Variants in LRRC7 observed in about 807,000 individuals in gnomAD.
LRRC7 encodes leucine-rich repeat-containing protein 7.
LRRC7 carries 23 observed loss-of-function variants against 175.7 expected under a neutral mutation model. The ratio of observed to expected loss-of-function variants is 0.13; its 90% CI spans 0.09 to 0.19. The LOEUF (loss-of-function observed/expected upper bound fraction) is 0.19. Among genes scored for constraint, LRRC7 ranks in the 10% least tolerant of loss-of-function variants. The pLI, the probability that LRRC7 is intolerant of heterozygous loss-of-function variation, is 1.00. For missense variants in LRRC7, 1,354 were observed against 1,904.7 expected, an observed-to-expected ratio of 0.71 and a Z score of 5.38; for synonymous variants, 685 against 680.9, an observed-to-expected ratio of 1.01 and a Z score of -0.09.
chr1:69,727,544 G>A (rs1393570039), intron 2 of LRRC7, among the ~76,000 whole-genome samples: 2 of 151,978 alleles, frequency 1.3e-5, no homozygotes, highest in East Asian at 3.9e-4. Flanking sequence ...GACAATACAA[G>A]TCTAAGTGGA....
chr1:69,851,646 G>A (rs1435974880), intron 7 of LRRC7, among the ~76,000 whole-genome samples: 6 of 152,086 alleles, frequency 3.9e-5, no homozygotes, highest in African/African-American at 7.2e-5. Flanking sequence ...CATAACCTGA[G>A]CACAAGTAGA....
chr1:69,976,297 T>C (rs1440040982), intron 8 of LRRC7, among the ~76,000 whole-genome samples: 1 of 152,184 alleles, frequency 6.6e-6, no homozygotes, highest in African/African-American at 2.4e-5. Flanking sequence ...TGGAGTCCGA[T>C]GTTTGAGGGA....
intron 1 of LRRC7, among the ~76,000 whole-genome samples, chr1:69,587,979 C>G (rs79234935): frequency 0.086 from 13,028 of 152,178 alleles, 988 homozygotes; most frequent in African/African-American, 0.2. Flanking sequence ...GATATTCTGG[C>G]CACACTGAGC....
At position 70,135,760 on chromosome 1, in the gene LRRC7, T is replaced by G. The variant is rs1031346564; in HGVS notation, c.*13873T>G. The stretch of plus-strand genomic sequence containing the variant: ...TAGGATATCATCATCCAAACTATTC[T>G]TGCCCTGTAATATTTGTCTATACTG... On this transcript the variant is annotated 3_prime_UTR_variant, in exon 27 of 27. Coordinates refer to ENST00000651989, the MANE Select transcript of LRRC7 (RefSeq NM_001370785.2). 6.6e-6 allele frequency among the ~76,000 whole-genome samples: 1 copy of G among 152,218 alleles called. No individual in the cohort carries two copies. Among genetic ancestry groups the G allele is most frequent in the Non-Finnish European group, 1.5e-5 (1 of 68,036 alleles).
At chr1:69,712,270 G>A (rs886293169) in intron 2 of LRRC7, among the ~76,000 whole-genome samples, 1 of 150,980 alleles carries the variant, frequency 6.6e-6, no homozygotes, top group African/African-American at 2.4e-5. Context: ...ACGTGCACAC[G>A]CGCAAGTGCT....
chr1:69,822,288 G>A (rs1211701019), intron 4 of LRRC7, among the ~76,000 whole-genome samples: 1 of 152,088 alleles, frequency 6.6e-6, no homozygotes, highest in Non-Finnish European at 1.5e-5. Flanking sequence ...GTGTATGCTG[G>A]CCAGACAACG....
chr1:69,956,654 T>C (rs1461095937), intron 8 of LRRC7, among the ~76,000 whole-genome samples: 1 of 151,666 alleles, frequency 6.6e-6, no homozygotes, highest in African/African-American at 2.4e-5. Context: ...TCTAACCTGA[T>C]ACCTAATTGA....
intron 8 of LRRC7, among the ~76,000 whole-genome samples, chr1:69,971,767 A>C (rs1366869246): frequency 6.6e-6 from 1 of 152,154 alleles, no homozygotes; most frequent in African/African-American, 2.4e-5. Flanking sequence ...ATTAGAAAAA[A>C]CAATCCTAAA....
chr1:69,588,753 T>C (rs942412162), intron 1 of LRRC7, among the ~76,000 whole-genome samples: 1 of 152,212 alleles, frequency 6.6e-6, no homozygotes, highest in African/African-American at 2.4e-5. Flanking sequence ...TAGAGGTTTT[T>C]AATTTATAGT....
rs367996292 is a variant in LRRC7, at chr1:69,900,053, AT to A, written c.648-31453del. Among the ~76,000 whole-genome samples the A allele has an allele frequency of 4.5e-3, 679 of 152,330 alleles. 5 individuals carry two copies. Among genetic ancestry groups the A allele is most frequent in the African/African-American group, 0.015 (609 of 41,564 alleles). On this transcript the variant is annotated intron_variant, in intron 7 of 26. Coordinates refer to ENST00000651989, the MANE Select transcript of LRRC7 (RefSeq NM_001370785.2). ...GTATATCCTTTTCTCATATAATAAA[AT>A]ATTATTATTTTGTCTTTTTCCAACT... is the stretch of plus-strand genomic sequence containing the variant.
At chr1:69,925,618 T>A (rs565732282) in intron 7 of LRRC7, among the ~76,000 whole-genome samples, 36 of 152,286 alleles carry the variant, frequency 2.4e-4, no homozygotes, top group Admixed American at 4.6e-4. Flanking sequence ...CTGATGGTAG[T>A]TTGTATTTCT....
At chr1:69,990,140 A>G (rs755130491) in intron 10 of LRRC7, among the ~76,000 whole-genome samples, 5 of 152,138 alleles carry the variant, frequency 3.3e-5, no homozygotes, top group Non-Finnish European at 7.4e-5. Flanking sequence ...ACTCAGAAGG[A>G]AGGAAGTGAA....
chr1:69,869,534 G>A (rs1309065006), intron 7 of LRRC7, among the ~76,000 whole-genome samples: 1 of 152,086 alleles, frequency 6.6e-6, no homozygotes, highest in African/African-American at 2.4e-5. Context: ...ACAGATAATT[G>A]GGCTGGAAGT....
intron 7 of LRRC7, among the ~76,000 whole-genome samples, chr1:69,925,493 A>G (rs1647038287): frequency 6.6e-6 from 1 of 152,170 alleles, no homozygotes; most frequent in South Asian, 2.1e-4. Flanking sequence ...TTATTGGTCT[A>G]TTCAGAGATT....
chr1:69,903,429 G>A (rs912875505), intron 7 of LRRC7, among the ~76,000 whole-genome samples: 1 of 152,148 alleles, frequency 6.6e-6, no homozygotes, highest in African/African-American at 2.4e-5. Flanking sequence ...TGCCGTGAGG[G>A]ACGGTGCACT....
intron 5 of LRRC7, among the ~76,000 whole-genome samples, chr1:69,827,230 G>A (rs550133574): frequency 1.3e-5 from 2 of 152,260 alleles, no homozygotes; most frequent in East Asian, 1.9e-4. Context: ...ACAATCCAGT[G>A]CTGTTGATAA....
chr1:69,974,558 TAAGTAGCATAGAAA>T (rs1192194129), intron 8 of LRRC7, among the ~76,000 whole-genome samples: 1 of 152,218 alleles, frequency 6.6e-6, no homozygotes, highest in Non-Finnish European at 1.5e-5. Context: ...GTGATTAAAT[TAAGTAGCATAGAAA>T]AATGTGATCA....
chr1:70,096,663 T>C (rs1664423148), intron 25 of LRRC7, among the ~76,000 whole-genome samples: 2 of 152,104 alleles, frequency 1.3e-5, no homozygotes, highest in South Asian at 4.1e-4. Context: ...TCAGAACGAC[T>C]AACTTAATGG....
At chr1:69,976,732 A>G (rs1325088405) in intron 8 of LRRC7, among the ~76,000 whole-genome samples, 2 of 152,102 alleles carry the variant, frequency 1.3e-5, no homozygotes, top group Non-Finnish European at 2.9e-5. Flanking sequence ...TCTGGACGCC[A>G]TTCCTTCTTG....
Sources: allele counts gnomAD v4.1 joint callset (sites outside exome capture counted in the v4.1 genomes callset), GRCh38; gene constraint gnomAD v4.1.1; transcripts MANE v1.5; gene names NCBI Gene and HGNC (gene_info 2026-07-23, HGNC 2026-07-21).